DPP6: variants seen among roughly 807,000 people sequenced by gnomAD.
DPP6 encodes dipeptidyl peptidase like 6, also known as A-type potassium channel modulatory protein DPP6.
DPP6 carries 69 observed loss-of-function variants against 122.6 expected under a neutral mutation model. The ratio of observed to expected loss-of-function variants is 0.56; its 90% CI spans 0.46 to 0.69. The LOEUF (loss-of-function observed/expected upper bound fraction) is 0.69, where lower values mean the gene tolerates loss of function less well. Among genes scored for constraint, DPP6 ranks in the 30% least tolerant of loss-of-function variants. The pLI, the probability that DPP6 is intolerant of heterozygous loss-of-function variation, is 0.00. For missense variants in DPP6, 928 were observed against 1,116.9 expected (o/e 0.83, Z 2.41); for synonymous variants, 418 against 433.1 (o/e 0.97, Z 0.43).
At chr7:154,545,481 TTCCTTCCTTCCTTCCA>T (rs1459452514) in intron 4 of DPP6, among the ~76,000 whole-genome samples, 2 of 127,476 alleles carry the variant, frequency 1.6e-5, no homozygotes, top group African/African-American at 5.5e-5. Context: ...CCTTCCTTCC[TTCCTTCCTTCCTTCCA>T]TCCTTCCTTC....
intron 1 of DPP6, among the ~76,000 whole-genome samples, chr7:154,061,982 C>T (rs1442843916): frequency 3.1e-5 from 4 of 129,290 alleles, no homozygotes; most frequent in East Asian, 2.2e-4. Flanking sequence ...GCTATCCCCT[C>T]TTCCGCCCCT....
At chr7:153,902,650 C>G (rs1041552030) in intron 1 of DPP6, among the ~76,000 whole-genome samples, 2 of 152,060 alleles carry the variant, frequency 1.3e-5, no homozygotes, top group African/African-American at 4.8e-5. Flanking sequence ...GCCTGGCCAA[C>G]ATGGTGAAAC....
intron 7 of DPP6, among the ~76,000 whole-genome samples, chr7:154,671,483 G>A (rs969350498): frequency 1.2e-4 from 18 of 151,946 alleles, no homozygotes; most frequent in Admixed American, 9.2e-4. Flanking sequence ...ATCACCCAGC[G>A]GCTGTAACTC....
At chr7:154,676,896 G>A (rs551769225) in intron 7 of DPP6, among the ~76,000 whole-genome samples, 13 of 152,318 alleles carry the variant, frequency 8.5e-5, no homozygotes, top group South Asian at 4.1e-4. Context: ...CTTGGTTTGC[G>A]GCTTGTGCTT....
intron 1 of DPP6, among the ~76,000 whole-genome samples, chr7:154,289,417 C>T (rs1585840428): frequency 6.6e-6 from 1 of 152,104 alleles, no homozygotes. Context: ...GCTTGTGAGG[C>T]CCCAGCAACA....
intron 1 of DPP6, among the ~76,000 whole-genome samples, chr7:153,942,178 A>C (rs1298510088): frequency 6.6e-6 from 1 of 152,170 alleles, no homozygotes; most frequent in Non-Finnish European, 1.5e-5. Context: ...TACTCATTCA[A>C]TTCACCGCTG....
the DPP6 span, among the ~76,000 whole-genome samples, chr7:153,757,350 A>C: frequency 4.6e-5 from 7 of 152,330 alleles, no homozygotes; most frequent in African/African-American, 1.2e-4. Context: ...ACAGCAGAAC[A>C]AGTTCATATT....
chr7:154,194,585 G>A (rs997528824), intron 1 of DPP6, among the ~76,000 whole-genome samples: 1 of 152,200 alleles, frequency 6.6e-6, no homozygotes, highest in Non-Finnish European at 1.5e-5. Flanking sequence ...GCCATGGAAT[G>A]TTTGTGTGCA....
chr7:154,456,571 C>T (rs867087914), intron 2 of DPP6, among the ~76,000 whole-genome samples: 2 of 151,790 alleles, frequency 1.3e-5, no homozygotes, highest in African/African-American at 4.8e-5. Flanking sequence ...TGCGCCCCCC[C>T]CACCAAAAAA....
intron 1 of DPP6, among the ~76,000 whole-genome samples, chr7:153,958,717 G>A (rs1215772708): frequency 6.6e-6 from 1 of 152,156 alleles, no homozygotes; most frequent in East Asian, 1.9e-4. Flanking sequence ...AGCAGGAACA[G>A]ACACTACAAC....
intron 17 of DPP6, among the ~76,000 whole-genome samples, chr7:154,855,020 T>G (rs955882701): frequency 6.6e-6 from 1 of 151,946 alleles, no homozygotes; most frequent in Non-Finnish European, 1.5e-5. Context: ...GTGTCTCCAG[T>G]GACCATCGAG....
At chr7:154,464,296 C>T (rs2151324278) in intron 2 of DPP6, among the ~76,000 whole-genome samples, 1 of 152,350 alleles carries the variant, frequency 6.6e-6, no homozygotes, top group South Asian at 2.1e-4. Context: ...CCCAAGCAAG[C>T]AGATTCTCTG....
intron 16 of DPP6, chr7:154,838,617 G>A (rs1353441141): frequency 5.9e-5 from 9 of 152,282 alleles, no homozygotes; most frequent in African/African-American, 2.2e-4. Flanking sequence ...GAGCAGAGAT[G>A]GGATGGAAAA....
Position 154,821,643 on chromosome 7 carries a change from T to C in DPP6, c.1666+14531T>C, listed in dbSNP as rs892538274. ...TTTTTTTTCTGTATATATATATATA[T>C]ATACACATATATATATATATACACA... On this transcript the variant is annotated intron_variant, in intron 16 of 25. Coordinates refer to ENST00000377770, the MANE Select transcript of DPP6 (RefSeq NM_130797.4). The surrounding 1 kb of genome is among the most constrained non-coding windows in gnomAD (Gnocchi z 4.2). 6.9e-5 allele frequency among the ~76,000 whole-genome samples: 6 copies of C among 86,504 alleles called. No individual in the cohort carries two copies. The highest frequency in any genetic ancestry group is 5.2e-4 in the Admixed American group (5 of 9,554). 56.7% of individuals were successfully genotyped at this position (86,504 alleles called of 152,430 possible). A position where few individuals can be genotyped will look rare whatever the true frequency, so the allele number is the denominator to read the frequency against.
At chr7:154,351,457 A>C in intron 1 of DPP6, among the ~76,000 whole-genome samples, 1 of 152,156 alleles carries the variant, frequency 6.6e-6, no homozygotes, top group East Asian at 1.9e-4. Flanking sequence ...ATTTTCATTA[A>C]GACAGGGGAT....
the DPP6 span, among the ~76,000 whole-genome samples, chr7:153,819,033 A>C: frequency 2.3e-5 from 3 of 127,884 alleles, no homozygotes; most frequent in Admixed American, 2.4e-4. Context: ...TACAGGCATG[A>C]GCCACCGCGC....
the DPP6 span, among the ~76,000 whole-genome samples, chr7:153,864,711 ACACACACACACG>A: frequency 7.9e-6 from 1 of 126,374 alleles, no homozygotes; most frequent in African/African-American, 3.0e-5. Flanking sequence ...ACACACACAC[ACACACACACACG>A]TGCTTGGGGA....
chr7:154,051,039 G>T (rs979445067), upstream of DPP6, among the ~76,000 whole-genome samples: 1 of 130,590 alleles, frequency 7.7e-6, no homozygotes, highest in Non-Finnish European at 1.7e-5. Context: ...TCAGGCCCAG[G>T]CAGGCCTCTC....
At chr7:154,041,417 TTTCCCC>T in intron 1 of DPP6, among the ~76,000 whole-genome samples, 1 of 152,352 alleles carries the variant, frequency 6.6e-6, no homozygotes, top group East Asian at 1.9e-4. Flanking sequence ...AGTTTTGAGG[TTTCCCC>T]TCTGTAACAA....
Sources: gnomAD v4.1 joint callset for allele counts (sites outside exome capture counted in the v4.1 genomes callset) on GRCh38, gnomAD v4.1.1 for gene constraint, Gnocchi (gnomAD v3.1) non-coding constraint, MANE v1.5 for transcripts, NCBI Gene and HGNC (gene_info 2026-07-23, HGNC 2026-07-21) for gene names.